The following ATPAF1 variants were observed in gnomAD, a reference collection of about 807,000 sequenced individuals.
The protein encoded by ATPAF1 is ATP synthase mitochondrial F1 complex assembly factor 1.
A neutral mutation model predicts 43.9 loss-of-function variants in ATPAF1; 26 were observed. The ratio of observed to expected loss-of-function variants is 0.59; its 90% confidence interval spans 0.43 to 0.82. The LOEUF (loss-of-function observed/expected upper bound fraction) is 0.82. ATPAF1 is among the 40% of genes least tolerant of loss of function. The probability of loss-of-function intolerance (pLI) is 0.00; values close to 1 mark genes in which losing one functional copy is unlikely to be tolerated. For missense variants in ATPAF1, 366 were observed against 435.0 expected (o/e 0.84, Z 1.41); for synonymous variants, 157 against 168.0 (o/e 0.93, Z 0.50).
At position 46,668,118 on chromosome 1, in the gene ATPAF1, C is replaced by A. The variant is rs1186492921; in HGVS notation, c.205G>T (p.Ala69Ser). 5 of 1,441,020 alleles carry A rather than the reference C, an allele frequency of 3.5e-6. No individual in the cohort carries two copies. Among genetic ancestry groups the A allele is most frequent in the Non-Finnish European group, 4.6e-6 (5 of 1,095,632 alleles). 89.3% of individuals were successfully genotyped at this position (1,441,020 alleles called of 1,614,324 possible). A position where few individuals can be genotyped will look rare whatever the true frequency, so the allele number is the denominator to read the frequency against. The stretch of plus-strand genomic sequence containing the variant: ...TAGAAAGGGTTGGCCTGGAGCTCGG[C>A]CTCGGCCCCGACCCCGCTGCTGTCG... The change falls in exon 1 of 9, where the codon GCC becomes TCC. Residue 69 changes from alanine (A) to serine (S), a missense_variant. By Grantham distance (99) the Ala-to-Ser change is moderately conservative. Transcript: ENST00000574428. The surrounding 1 kb of genome is among the most constrained non-coding windows in gnomAD (Gnocchi z 4.4).
chr1:46,666,709 T>C (rs1282676600), intron 1 of ATPAF1, among the ~76,000 whole-genome samples: 1 of 152,112 alleles, frequency 6.6e-6, no homozygotes, highest in Non-Finnish European at 1.5e-5. Context: ...TGCTAACAGA[T>C]AAAACTAGAG....
Position 46,653,460 on chromosome 1 carries a change from G to C in ATPAF1, c.540+357C>G, listed in dbSNP as rs1427468982. On this transcript the variant is annotated intron_variant, in intron 5 of 8. Coordinates refer to ENST00000574428, the Ensembl canonical transcript of ATPAF1. This position sits in a 1 kb window ranked among gnomAD's most constrained non-coding sequence, Gnocchi z 4.8. ...TATAGGTCACTTACAGGCAAGAAGGGAAAAAAGCTGTGCTAGAGGCCCTGT... is the reference window on the plus strand; with the variant it reads ...TATAGGTCACTTACAGGCAAGAAGGCAAAAAAGCTGTGCTAGAGGCCCTGT... Among the ~76,000 whole-genome samples the C allele has an allele frequency of 6.6e-6, 1 of 152,016 alleles. No homozygotes were observed. The highest frequency in any genetic ancestry group is 1.5e-5 in the Non-Finnish European group (1 of 68,004).
At chr1:46,638,744 A>G (rs1193556667) in intron 8 of ATPAF1, among the ~76,000 whole-genome samples, 2 of 148,706 alleles carry the variant, frequency 1.3e-5, no homozygotes, top group African/African-American at 4.9e-5. Flanking sequence ...ACCAGCCCTT[A>G]TTCTCCCCCT....
intron 1 of ATPAF1, chr1:46,665,924 T>C: frequency 7.7e-7 from 1 of 1,302,958 alleles, no homozygotes; most frequent in South Asian, 1.8e-5. Flanking sequence ...ACATTGTTTA[T>C]GTCAAAATGG....
At chr1:46,666,976 G>A (rs913123632) in intron 1 of ATPAF1, among the ~76,000 whole-genome samples, 2 of 152,228 alleles carry the variant, frequency 1.3e-5, no homozygotes, top group Non-Finnish European at 1.5e-5. Context: ...ACAGATCAAC[G>A]AGAGAAGCCT....
rs1241444630 is a variant in ATPAF1, at chr1:46,668,263, G to C, written c.60C>G (p.Ala20=). 1.4e-6 allele frequency: 2 copies of C among 1,389,626 alleles called. No homozygotes were observed. Among genetic ancestry groups the C allele is most frequent in the Non-Finnish European group, 9.4e-7 (1 of 1,068,204 alleles). 86.1% of individuals were successfully genotyped at this position (1,389,626 alleles called of 1,614,324 possible). Residue 20 remains alanine (A), a synonymous_variant, in exon 1 of 9, where the codon GCC becomes GCG. Coordinates refer to ENST00000574428, the Ensembl canonical transcript of ATPAF1. This position sits in a 1 kb window ranked among gnomAD's most constrained non-coding sequence, Gnocchi z 4.4. The stretch of plus-strand genomic sequence containing the variant: ...CCGCGCACAGGCCCCGGTAGAGACC[G>C]GCCACCTGCAGGACCGCCGGTCCCG...
At chr1:46,641,160 CT>C (rs756295760) in intron 8 of ATPAF1, among the ~76,000 whole-genome samples, 7 of 151,980 alleles carry the variant, frequency 4.6e-5, no homozygotes, top group Non-Finnish European at 8.8e-5. Flanking sequence ...TCACTGCAAC[CT>C]TTGCTGCTGG....
Position 46,668,319 on chromosome 1 carries a change from C to A in ATPAF1, c.4G>T (p.Ala2Ser). Residue 2 changes from alanine to serine, a missense_variant, in exon 1 of 9, where the codon GCT becomes TCT. Ala to Ser is a moderately conservative substitution (Grantham distance 99). Coordinates refer to ENST00000574428, the Ensembl canonical transcript of ATPAF1. The surrounding 1 kb of genome is among the most constrained non-coding windows in gnomAD (Gnocchi z 4.4). Reference sequence around the variant, plus strand: ...CCCGCAGCCGCCACCACCACAGCAGCCATGGCCGCCCCCGCCTCCTCCTCC... The same window carrying A: ...CCCGCAGCCGCCACCACCACAGCAGACATGGCCGCCCCCGCCTCCTCCTCC... 1 of 1,366,502 alleles carries A rather than the reference C, an allele frequency of 7.3e-7. No homozygotes were observed. The highest frequency in any genetic ancestry group is 9.5e-7 in the Non-Finnish European group (1 of 1,055,460). The allele number at this position is 1,366,502 out of a possible 1,614,324, so 84.6% of individuals were successfully genotyped here.
chr1:46,662,496 A>C (rs1676409239), intron 2 of ATPAF1, among the ~76,000 whole-genome samples: 1 of 148,474 alleles, frequency 6.7e-6, no homozygotes, highest in South Asian at 2.1e-4. Context: ...CCATGACCTC[A>C]GCTCACTGTA....
chr1:46,668,234 C>T lies in ATPAF1; in HGVS notation c.89G>A (p.Arg30His). Residue 30 changes from arginine (R) to histidine (H), a missense_variant, in exon 1 of 9, where the codon CGC becomes CAC. By Grantham distance (29) the Arg-to-His change is conservative. Coordinates refer to ENST00000574428, the Ensembl canonical transcript of ATPAF1. This position sits in a 1 kb window ranked among gnomAD's most constrained non-coding sequence, Gnocchi z 4.4. The stretch of plus-strand genomic sequence containing the variant: ...GAGCCCCAGGCCCAGGGCGCGGCTG[C>T]GCACCGCGCACAGGCCCCGGTAGAG... 2 of 1,369,504 alleles carry T rather than the reference C, an allele frequency of 1.5e-6. No homozygotes were observed. The highest frequency in any genetic ancestry group is 1.7e-5 in the South Asian group (1 of 59,520). The allele number at this position is 1,369,504 out of a possible 1,614,324, so 84.8% of individuals were successfully genotyped here. A position where few individuals can be genotyped will look rare whatever the true frequency, so the allele number is the denominator to read the frequency against.
chr1:46,665,698 CAAG>C (rs1247605257), intron 1 of ATPAF1: 2 of 1,534,680 alleles, frequency 1.3e-6, no homozygotes, highest in Non-Finnish European at 1.7e-6. Flanking sequence ...CCTCTTCAGA[CAAG>C]AATCCTATAG....
chr1:46,632,752 A>C (rs985343264), downstream of ATPAF1: 2 of 152,674 alleles, frequency 1.3e-5, no homozygotes, highest in Non-Finnish European at 2.9e-5. Context: ...GTTGAAATCC[A>C]TATTACCTAT....
intron 6 of ATPAF1, among the ~76,000 whole-genome samples, chr1:46,650,498 T>C (rs1676144116): frequency 6.6e-6 from 1 of 152,136 alleles, no homozygotes; most frequent in African/African-American, 2.4e-5. Flanking sequence ...AACTACCACA[T>C]GATCCAGCAG....
chr1:46,638,685 C>G (rs1675890137), intron 8 of ATPAF1, among the ~76,000 whole-genome samples: 1 of 151,670 alleles, frequency 6.6e-6, no homozygotes. Flanking sequence ...AGGTAAGACA[C>G]AGAGAGAGAT....
intron 4 of ATPAF1, among the ~76,000 whole-genome samples, chr1:46,655,082 G>C (rs629851): frequency 3.3e-5 from 5 of 152,044 alleles, no homozygotes; most frequent in African/African-American, 9.7e-5. Flanking sequence ...GCAAAAGGGG[G>C]AAAAGCCCCC....
intron 7 of ATPAF1, among the ~76,000 whole-genome samples, chr1:46,644,613 T>C (rs1434948915): frequency 6.6e-6 from 1 of 152,060 alleles, no homozygotes; most frequent in South Asian, 2.1e-4. Context: ...ATCCTAGTTA[T>C]GATTTAAAAT....
chr1:46,642,490 G>A (rs1334215724), intron 8 of ATPAF1, among the ~76,000 whole-genome samples: 1 of 152,222 alleles, frequency 6.6e-6, no homozygotes, highest in Non-Finnish European at 1.5e-5. Context: ...TGTGCAGAGA[G>A]AACACAGTGG....
At chr1:46,665,500 G>C in intron 1 of ATPAF1, 136 bp from the exon 2 acceptor site, 1 of 1,201,350 alleles carries the variant, frequency 8.3e-7, no homozygotes, top group East Asian at 2.6e-5. Flanking sequence ...CAGTTAGTAA[G>C]AACTGGGCAC....
At chr1:46,654,877 T>C (rs1387756746) in intron 4 of ATPAF1, among the ~76,000 whole-genome samples, 2 of 152,162 alleles carry the variant, frequency 1.3e-5, no homozygotes, top group Non-Finnish European at 2.9e-5. Flanking sequence ...AACTCATGCT[T>C]TTTTATGGCT....
Sources: allele counts gnomAD v4.1 joint callset (sites outside exome capture counted in the v4.1 genomes callset), GRCh38; gene constraint gnomAD v4.1.1; non-coding constraint Gnocchi (gnomAD v3.1); transcripts MANE v1.5; gene names NCBI Gene and HGNC (gene_info 2026-07-23, HGNC 2026-07-21).